MEMO1: variants seen among roughly 807,000 people sequenced by gnomAD.
The protein encoded by MEMO1 is mediator of cell motility 1.
MEMO1 carries 6 observed loss-of-function variants against 45.2 expected under a neutral mutation model. The observed-to-expected ratio is 0.13, with a 90% CI of 0.07 to 0.26. The LOEUF (loss-of-function observed/expected upper bound fraction) is 0.26. Among genes scored for constraint, MEMO1 ranks in the 10% least tolerant of loss-of-function variants. The pLI is 1.00. For missense variants in MEMO1, 184 were observed against 370.5 expected, an observed-to-expected ratio of 0.50 and a Z score of 4.13; for synonymous variants, 78 against 124.3, an observed-to-expected ratio of 0.63 and a Z score of 2.48.
chr2:31,913,674 G>A (rs1393283998), intron 6 of MEMO1, among the ~76,000 whole-genome samples: 1 of 152,054 alleles, frequency 6.6e-6, no homozygotes, highest in African/African-American at 2.4e-5. Flanking sequence ...ATCTTTTTGT[G>A]TACCAGGTAC....
intron 2 of MEMO1, among the ~76,000 whole-genome samples, chr2:31,964,163 T>C (rs374111025): frequency 7.9e-5 from 12 of 152,114 alleles, no homozygotes; most frequent in South Asian, 2.1e-4. Flanking sequence ...CAGAAAAACG[T>C]TGAACACCAT....
chr2:31,963,977 G>A (rs2148422104), intron 2 of MEMO1, among the ~76,000 whole-genome samples: 1 of 152,118 alleles, frequency 6.6e-6, no homozygotes, highest in Non-Finnish European at 1.5e-5. Context: ...ATAACATTGT[G>A]GATATACTGG....
intron 2 of MEMO1, among the ~76,000 whole-genome samples, chr2:31,999,071 G>C (rs138775448): frequency 6.6e-6 from 1 of 152,048 alleles, no homozygotes; most frequent in African/African-American, 2.4e-5. Context: ...TCTTTCTTTC[G>C]CACTCCATAC....
chr2:31,994,460 T>A (rs533984702), intron 2 of MEMO1, among the ~76,000 whole-genome samples: 1 of 149,900 alleles, frequency 6.7e-6, no homozygotes, highest in Non-Finnish European at 1.5e-5. Context: ...TGAAACCCCA[T>A]CTCTACTAAA....
rs185466372 is a variant in MEMO1 at position 31,958,058 on chromosome 2, G to T, written c.62-14675C>A. Among the ~76,000 whole-genome samples, 133 of 152,212 alleles carry T rather than the reference G, an allele frequency of 8.7e-4. 1 individual carries two copies. Among genetic ancestry groups the T allele is most frequent in the Non-Finnish European group, 1.5e-3 (103 of 68,010 alleles). On this transcript the variant is annotated intron_variant, in intron 2 of 9. Coordinates refer to ENST00000404530, the MANE Select transcript of MEMO1 (RefSeq NM_001301833.4). ...CATGTCTACTGTGGACTGAGTGATG[G>T]GAAATGGGCATGCCAGGTTTCAGAT...
chr2:31,998,297 GCCA>G (rs1406562520), intron 2 of MEMO1, among the ~76,000 whole-genome samples: 5 of 152,090 alleles, frequency 3.3e-5, no homozygotes, highest in African/African-American at 1.2e-4. Flanking sequence ...ACAGGCATGA[GCCA>G]CCAAGCCTGG....
intron 2 of MEMO1, among the ~76,000 whole-genome samples, chr2:31,964,415 G>A (rs1668371000): frequency 6.6e-6 from 1 of 152,174 alleles, no homozygotes; most frequent in Non-Finnish European, 1.5e-5. Flanking sequence ...TCACCGAGTA[G>A]GCCGGGTGCG....
At chr2:31,890,165 TGAAATGTTTAC>T (rs2147980236) in intron 7 of MEMO1, among the ~76,000 whole-genome samples, 1 of 152,256 alleles carries the variant, frequency 6.6e-6, no homozygotes, top group Admixed American at 6.5e-5. Context: ...AGAGCAATAT[TGAAATGTTTAC>T]TGACGTTTTA....
At chr2:31,927,273 T>C (rs757960604) in intron 4 of MEMO1, among the ~76,000 whole-genome samples, 25 of 152,198 alleles carry the variant, frequency 1.6e-4, no homozygotes, top group Non-Finnish European at 2.2e-4. Context: ...TGAGCTGAGA[T>C]AGCGCCACTG....
At chr2:31,946,508 G>C (rs552636907) in intron 2 of MEMO1, among the ~76,000 whole-genome samples, 1 of 152,056 alleles carries the variant, frequency 6.6e-6, no homozygotes, top group African/African-American at 2.4e-5. Flanking sequence ...AATAAGTTAC[G>C]TGTCACATAA....
chr2:31,963,214 G>A, intron 2 of MEMO1: 2 of 1,547,382 alleles, frequency 1.3e-6, no homozygotes, highest in Non-Finnish European at 8.7e-7. Context: ...TGCACATCTT[G>A]GCACTTGTCA....
Position 31,923,602 on chromosome 2 carries a change from T to G in MEMO1, c.213-2692A>C. 4 of 1,518,372 alleles carry G rather than the reference T, an allele frequency of 2.6e-6. No homozygotes were observed. In the South Asian group the frequency reaches 5.1e-5, roughly 19 times the overall value. 94.1% of individuals were successfully genotyped at this position (1,518,372 alleles called of 1,614,324 possible). ...ATAGAGAATGGTAACTCAGAAATGT[T>G]TAGGTAGCCTGACTAGGGCCAGGTA... On this transcript the variant is annotated intron_variant, in intron 4 of 9. Coordinates refer to ENST00000404530, the MANE Select transcript of MEMO1 (RefSeq NM_001301833.4).
rs1678456758 is a variant in MEMO1 at position 31,899,601 on chromosome 2, T to C, written c.438-7467A>G. ...AAACTCTAGAAGAAAACCTAGGCTA[T>C]ACCATTCAGGACATATGCATGGGCA... On this transcript the variant is annotated intron_variant, in intron 6 of 9. Coordinates refer to ENST00000404530, the MANE Select transcript of MEMO1 (RefSeq NM_001301833.4). Among the ~76,000 whole-genome samples the C allele has an allele frequency of 2.6e-5, 4 of 152,296 alleles. No individual in the cohort carries two copies. The South Asian group carries it at 8.3e-4, about 32-fold the overall frequency.
intron 2 of MEMO1, among the ~76,000 whole-genome samples, chr2:32,000,233 A>ATT (rs753896973): frequency 7.2e-6 from 1 of 139,396 alleles, no homozygotes; most frequent in Non-Finnish European, 1.6e-5. Context: ...CTTTTTACTT[A>ATT]TTTTTTTTTT....
chr2:31,896,933 T>C (rs1391066260), intron 6 of MEMO1, among the ~76,000 whole-genome samples: 1 of 152,232 alleles, frequency 6.6e-6, no homozygotes, highest in Non-Finnish European at 1.5e-5. Flanking sequence ...CTTGAAGATG[T>C]CCTTCACATC....
At chr2:31,972,727 C>T (rs1669558099) in intron 2 of MEMO1, among the ~76,000 whole-genome samples, 1 of 152,004 alleles carries the variant, frequency 6.6e-6, no homozygotes, top group Admixed American at 6.6e-5. Context: ...AAAGCTAAGA[C>T]AACCTACAGA....
intron 6 of MEMO1, among the ~76,000 whole-genome samples, chr2:31,906,522 A>C (rs1050068037): frequency 2.0e-5 from 3 of 151,274 alleles, no homozygotes; most frequent in Non-Finnish European, 2.9e-5. Context: ...ATGGGGTTTC[A>C]CCATGTTGGC....
At chr2:31,920,086 G>T (rs901461696) in intron 5 of MEMO1, among the ~76,000 whole-genome samples, 1 of 151,552 alleles carries the variant, frequency 6.6e-6, no homozygotes, top group African/African-American at 2.4e-5. Context: ...GAGAAATTCT[G>T]AATAAATTGT....
chr2:32,003,556 G>A (rs1022296343), intron 2 of MEMO1, among the ~76,000 whole-genome samples: 4 of 152,152 alleles, frequency 2.6e-5, no homozygotes, highest in Non-Finnish European at 5.9e-5. Flanking sequence ...AAAATTTAAT[G>A]TAATGTCCTG....
Sources: allele counts gnomAD v4.1 joint callset (sites outside exome capture counted in the v4.1 genomes callset), GRCh38; gene constraint gnomAD v4.1.1; transcripts MANE v1.5; gene names NCBI Gene and HGNC (gene_info 2026-07-23, HGNC 2026-07-21).